QKI: variants seen among roughly 807,000 people sequenced by gnomAD.
QKI encodes KH domain-containing RNA-binding protein QKI.
Under a neutral mutation model 39.0 loss-of-function variants are expected in QKI, and 10 were observed. The ratio of observed to expected loss-of-function variants is 0.26; its 90% confidence interval spans 0.16 to 0.43. The LOEUF is 0.43. Ranked by LOEUF, QKI falls within the 20% of genes least tolerant of loss-of-function variation. The probability of loss-of-function intolerance (pLI) is 1.00; values close to 1 mark genes in which losing one functional copy is unlikely to be tolerated. For missense variants in QKI, 218 were observed against 428.0 expected (o/e 0.51, Z 4.33); for synonymous variants, 204 against 155.4 (o/e 1.31, Z -2.33).
At chr6:163,432,538 G>C (rs917905326) in intron 1 of QKI, among the ~76,000 whole-genome samples, 1 of 151,970 alleles carries the variant, frequency 6.6e-6, no homozygotes, top group African/African-American at 2.4e-5. Context: ...GACTGCAGGG[G>C]TGAGCCACCA....
chr6:163,513,547 T>G (rs941416232), intron 3 of QKI, among the ~76,000 whole-genome samples: 4 of 152,176 alleles, frequency 2.6e-5, no homozygotes, highest in African/African-American at 9.7e-5. Context: ...AATTAATTAG[T>G]GAATGCCTAA....
chr6:163,566,375 A>C, intron 6 of QKI: 1 of 1,207,814 alleles, frequency 8.3e-7, no homozygotes, highest in Admixed American at 4.2e-5. Flanking sequence ...ACATGGCGTT[A>C]TTTAAGTAGT....
chr6:163,531,547 A>C (rs150288949), intron 3 of QKI, among the ~76,000 whole-genome samples: 1 of 152,234 alleles, frequency 6.6e-6, no homozygotes, highest in East Asian at 1.9e-4. Context: ...GGTGGATTGC[A>C]AGGAAATAAG....
chr6:163,481,399 A>T (rs1470126256), intron 3 of QKI, among the ~76,000 whole-genome samples: 1 of 152,182 alleles, frequency 6.6e-6, no homozygotes, highest in Non-Finnish European at 1.5e-5. Flanking sequence ...AGAGCCTACC[A>T]TGGCTATTCT....
At position 163,465,567 on chromosome 6, in the gene QKI, C is replaced by T. The variant is rs944331067; in HGVS notation, c.285+10146C>T. Among the ~76,000 whole-genome samples, 7 of 148,042 alleles carry T rather than the reference C, an allele frequency of 4.7e-5. No individual in the cohort carries two copies. The South Asian group carries it at 6.4e-4, about 13-fold the overall frequency. On this transcript the variant is annotated intron_variant, in intron 2 of 7. Coordinates refer to ENST00000361752, the MANE Select transcript of QKI (RefSeq NM_006775.3). ...TCACTTGAGCCCAAGAGGTGGAGGTCGCAGTGAGCTGAGATTGCACCATTG... is the reference window on the plus strand; with the variant it reads ...TCACTTGAGCCCAAGAGGTGGAGGTTGCAGTGAGCTGAGATTGCACCATTG...
At chr6:163,561,262 GTGTA>G (rs1320119564) in intron 4 of QKI, among the ~76,000 whole-genome samples, 7 of 152,156 alleles carry the variant, frequency 4.6e-5, no homozygotes, top group Admixed American at 3.3e-4. Flanking sequence ...ACGCGCGTGT[GTGTA>G]TGTGTGTGTT....
chr6:163,458,478 C>T (rs908556367), intron 2 of QKI, among the ~76,000 whole-genome samples: 6 of 152,180 alleles, frequency 3.9e-5, no homozygotes, highest in African/African-American at 1.2e-4. Flanking sequence ...GTATTTGTTG[C>T]ACATATTTGT....
At chr6:163,525,200 A>G (rs1007193059) in intron 3 of QKI, among the ~76,000 whole-genome samples, 9 of 152,026 alleles carry the variant, frequency 5.9e-5, no homozygotes, top group Non-Finnish European at 1.0e-4. Flanking sequence ...CAACATCAGT[A>G]CATGAACCTG....
chr6:163,553,061 TTTTTATTTATTTATTTA>T (rs1782353528), intron 4 of QKI, among the ~76,000 whole-genome samples: 1 of 129,552 alleles, frequency 7.7e-6, no homozygotes, highest in Non-Finnish European at 1.6e-5. Flanking sequence ...TTTTTTTTAA[TTTTTATTTATTTATTTA>T]TTTATTTATT....
chr6:163,547,547 T>C (rs1781961148), intron 4 of QKI, among the ~76,000 whole-genome samples: 1 of 152,208 alleles, frequency 6.6e-6, no homozygotes, highest in Non-Finnish European at 1.5e-5. Context: ...AACACCTCCA[T>C]GCGGGTGCCA....
At chr6:163,562,601 G>A (rs1019157103) in intron 5 of QKI, among the ~76,000 whole-genome samples, 24 of 151,822 alleles carry the variant, frequency 1.6e-4, no homozygotes, top group Admixed American at 3.3e-4. Context: ...GTTTTTATGC[G>A]TATCTATGCA....
Position 163,572,698 on chromosome 6 carries a change from C to G in QKI, c.*1988C>G, listed in dbSNP as rs899398382. 3 of 116,592 alleles carry G rather than the reference C, an allele frequency of 2.6e-5. No homozygotes were observed. The highest frequency in any genetic ancestry group is 3.5e-5 in the Non-Finnish European group (2 of 56,828). The allele number at this position is 116,592 out of a possible 1,614,324, so 7.2% of individuals were successfully genotyped here. The stretch of plus-strand genomic sequence containing the variant: ...CCCCCCCCCGCCCAGCTTATCAACT[C>G]GTCCCCTCTTCCACACCTTCCCAGC... On this transcript the variant is annotated 3_prime_UTR_variant, in exon 8 of 8. Transcript: ENST00000361752.
At position 163,415,280 on chromosome 6, in the gene QKI, C is replaced by T; in HGVS notation, c.87C>T (p.Ser29=). Residue 29 remains serine (S), a synonymous_variant, in exon 1 of 8, where the codon AGC becomes AGT. Transcript: ENST00000361752. ...TGATGAACGACAAGAAGCTCATGAG[C>T]AGCCTGCCCAACTTCTGCGGGATCT... ...MQLMNDKKLM[S]SLPNFCGIFN... is the part of the protein sequence containing the mutation. The T allele has an allele frequency of 6.3e-7, 1 of 1,595,290 alleles. No homozygotes were observed. Among genetic ancestry groups the T allele is most frequent in the Non-Finnish European group, 8.6e-7 (1 of 1,168,146 alleles).
chr6:163,534,786 A>G (rs1781091840), intron 3 of QKI, among the ~76,000 whole-genome samples, 196 bp from the exon 4 acceptor site: 1 of 152,170 alleles, frequency 6.6e-6, no homozygotes, highest in African/African-American at 2.4e-5. Context: ...TACTTGTTGG[A>G]TTAATTATCA....
chr6:163,534,851 C>A, intron 3 of QKI, 131 bp from the exon 4 acceptor site: 1 of 724,536 alleles, frequency 1.4e-6, no homozygotes, highest in Non-Finnish European at 2.1e-6. Context: ...AAAAATAATT[C>A]AAAGACTTGT....
chr6:163,521,963 A>G (rs554242070), intron 3 of QKI, among the ~76,000 whole-genome samples: 28 of 152,272 alleles, frequency 1.8e-4, no homozygotes, highest in South Asian at 1.2e-3. Context: ...GACATCCTGC[A>G]GTGGAATTAA....
At chr6:163,443,127 A>G (rs1355218575) in intron 1 of QKI, among the ~76,000 whole-genome samples, 2 of 152,206 alleles carry the variant, frequency 1.3e-5, no homozygotes, top group African/African-American at 2.4e-5. Context: ...TTCAATACCA[A>G]TTACTTTGAC....
chr6:163,564,525 G>A, intron 6 of QKI: 1 of 1,507,238 alleles, frequency 6.6e-7, no homozygotes, highest in Non-Finnish European at 8.8e-7. Flanking sequence ...AGTACAGTAT[G>A]GAATAGTTAA....
At chr6:163,509,712 A>G (rs1232526498) in intron 3 of QKI, among the ~76,000 whole-genome samples, 1 of 152,180 alleles carries the variant, frequency 6.6e-6, no homozygotes, top group Non-Finnish European at 1.5e-5. Context: ...AAATGGAATT[A>G]TAAAATATAT....
Sources: allele counts gnomAD v4.1 joint callset (sites outside exome capture counted in the v4.1 genomes callset), GRCh38; gene constraint gnomAD v4.1.1; transcripts MANE v1.5; gene names NCBI Gene and HGNC (gene_info 2026-07-23, HGNC 2026-07-21).